The following ZC4H2 variants were observed in gnomAD, a reference collection of about 807,000 sequenced individuals.
ZC4H2 encodes the protein zinc finger C4H2-type containing, also known as zinc finger C4H2 domain-containing protein.
For synonymous variants in ZC4H2, 84 were observed against 66.3 expected, an observed-to-expected ratio of 1.27 and a Z score of -1.30; for missense variants, 137 against 173.9, an observed-to-expected ratio of 0.79 and a Z score of 1.19.
At chrX:64,965,949 C>CAAAAAA (rs148777993) in intron 1 of ZC4H2, among the ~76,000 whole-genome samples, 8 of 37,559 alleles carry the variant, frequency 2.1e-4, no homozygotes, top group Admixed American at 3.9e-4. Context: ...AACAAAGAAG[C>CAAAAAA]AAAAAAAAAA....
At chrX:65,015,855 T>A (rs1421366382) in intron 1 of ZC4H2, among the ~76,000 whole-genome samples, 1 of 110,919 alleles carries the variant, frequency 9.0e-6, no homozygotes, top group African/African-American at 3.3e-5. Context: ...CTTCCTCCTC[T>A]TCCCATCTCT....
At position 64,952,741 on chromosome X, in the gene ZC4H2, G is replaced by C. The variant is rs188330950; in HGVS notation, c.53+23584C>G. On this transcript the variant is annotated intron_variant, in intron 1 of 4. Coordinates refer to ENST00000374839, the MANE Select transcript of ZC4H2 (RefSeq NM_018684.4). ...TCAATATCGTGAAAATGGCCATACT[G>C]CCCAAGGTAATTTATAGATTCAATG... Among the ~76,000 whole-genome samples, 384 of 109,890 alleles carry C rather than the reference G, an allele frequency of 3.5e-3. 6 individuals are homozygous for C. Among genetic ancestry groups the C allele is most frequent in the African/African-American group, 0.012 (356 of 30,171 alleles).
intron 1 of ZC4H2, among the ~76,000 whole-genome samples, chrX:64,928,152 T>G (rs748969732): frequency 8.9e-6 from 1 of 112,395 alleles, no homozygotes; most frequent in African/African-American, 3.2e-5. Context: ...CAATTTTGGC[T>G]TTTGTTGCCA....
chrX:64,996,650 A>G (rs1218224500), intron 1 of ZC4H2, among the ~76,000 whole-genome samples: 1 of 112,065 alleles, frequency 8.9e-6, no homozygotes, highest in Non-Finnish European at 1.9e-5. Context: ...AACTTTAAAA[A>G]GGAACCAAAC....
At chrX:64,925,438 A>C (rs184395439) in intron 1 of ZC4H2, among the ~76,000 whole-genome samples, 1 of 112,411 alleles carries the variant, frequency 8.9e-6, no homozygotes, top group Non-Finnish European at 1.9e-5. Context: ...AGCTAAAGCC[A>C]CATAAAAATG....
At chrX:64,950,450 T>C (rs1930745875) in intron 1 of ZC4H2, among the ~76,000 whole-genome samples, 1 of 111,536 alleles carries the variant, frequency 9.0e-6, no homozygotes, top group South Asian at 3.8e-4. Context: ...CAGTGGGATG[T>C]TAAAGTCTCC....
intron 1 of ZC4H2, chrX:64,922,321 T>C: frequency 5.5e-6 from 1 of 183,411 alleles, no homozygotes; most frequent in Non-Finnish European, 9.4e-6. Flanking sequence ...AAAGAAAGAA[T>C]TAGCCACACA....
In ZC4H2 at chrX:65,029,898, A is replaced by G. The variant is rs755375859; in HGVS notation, c.-272+4731T>C. Reference sequence around the variant, plus strand: ...AATAGCTGAGGGGAACTGGAGAAGGACTGACCAAAAAAAAAAAGGATTGCC... The same window carrying G: ...AATAGCTGAGGGGAACTGGAGAAGGGCTGACCAAAAAAAAAAAGGATTGCC... On this transcript the variant is annotated intron_variant, in intron 1 of 4. Coordinates refer to the ZC4H2 transcript ENST00000337990. Among the ~76,000 whole-genome samples, 3 of 109,594 alleles carry G rather than the reference A, an allele frequency of 2.7e-5. No homozygotes were observed. In the South Asian group the frequency reaches 1.2e-3, roughly 44 times the overall value.
intron 1 of ZC4H2, among the ~76,000 whole-genome samples, chrX:64,999,995 G>A (rs1453475684): frequency 1.8e-5 from 2 of 112,271 alleles, no homozygotes; most frequent in Non-Finnish European, 3.8e-5. Context: ...CCTGGGGGAA[G>A]GGGCGGTTGT....
At chrX:64,984,079 C>T (rs1361091917) in intron 1 of ZC4H2, among the ~76,000 whole-genome samples, 3 of 111,552 alleles carry the variant, frequency 2.7e-5, no homozygotes, top group Non-Finnish European at 5.6e-5. Flanking sequence ...TTTCAACCTG[C>T]ACCTCCCTCC....
intron 1 of ZC4H2, among the ~76,000 whole-genome samples, chrX:64,975,140 A>G (rs1931903526): frequency 9.1e-6 from 1 of 110,374 alleles, no homozygotes; most frequent in South Asian, 3.9e-4. Flanking sequence ...CTGGGCCTCT[A>G]TTTCCCCAGC....
In ZC4H2 at chrX:64,931,883, T is replaced by C. The variant is rs756604097; in HGVS notation, c.54-9895A>G. On this transcript the variant is annotated intron_variant, in intron 1 of 4. Transcript: ENST00000374839. ...TGTTAATTCTGTTTGTTCTAGGGTA[T>C]AGTTTAAGTCCACTGTTTCTTTGTT... Among the ~76,000 whole-genome samples the C allele has an allele frequency of 1.8e-4, 20 of 111,992 alleles. No individual in the cohort carries two copies. The South Asian group carries it at 7.4e-3, about 41-fold the overall frequency.
At chrX:64,919,298 C>A in intron 3 of ZC4H2, 94 bp from the exon 4 acceptor site, 3 of 1,039,679 alleles carry the variant, frequency 2.9e-6, no homozygotes, top group Non-Finnish European at 4.0e-6. Flanking sequence ...AAGGGTTGAG[C>A]TGTGGCTCAT....
At chrX:65,015,124 C>T (rs1356974955) in intron 1 of ZC4H2, among the ~76,000 whole-genome samples, 1 of 111,455 alleles carries the variant, frequency 9.0e-6, no homozygotes, top group Non-Finnish European at 1.9e-5. Flanking sequence ...ATAAAAATTC[C>T]TTTTCATATC....
intron 1 of ZC4H2, among the ~76,000 whole-genome samples, chrX:64,960,897 G>T (rs1931363822): frequency 9.0e-6 from 1 of 111,657 alleles, no homozygotes; most frequent in African/African-American, 3.2e-5. Context: ...AGAATGTTCT[G>T]TGTACAGTTA....
intron 1 of ZC4H2, among the ~76,000 whole-genome samples, chrX:64,931,032 T>C (rs1469560452): frequency 2.7e-5 from 3 of 112,155 alleles, no homozygotes. Flanking sequence ...AGTTTCAATC[T>C]TGCTTTTTGT....
chrX:65,032,374 T>C (rs770366161), intron 1 of ZC4H2, among the ~76,000 whole-genome samples: 14 of 112,159 alleles, frequency 1.2e-4, no homozygotes, highest in African/African-American at 4.5e-4. Flanking sequence ...AGTCTGTCCC[T>C]GTGAGTTACT....
intron 1 of ZC4H2, 187 bp from the exon 2 acceptor site, chrX:64,922,175 C>A: frequency 9.8e-7 from 1 of 1,019,207 alleles, no homozygotes; most frequent in Non-Finnish European, 1.3e-6. Flanking sequence ...ATTTGGAAGA[C>A]AGAGGCAGGA....
At chrX:64,949,114 G>A (rs1207078596) in intron 1 of ZC4H2, among the ~76,000 whole-genome samples, 1 of 111,735 alleles carries the variant, frequency 8.9e-6, no homozygotes, top group Admixed American at 9.6e-5. Flanking sequence ...GATTAAGATT[G>A]AATCAATTTG....
Sources: allele counts gnomAD v4.1 joint callset (sites outside exome capture counted in the v4.1 genomes callset), GRCh38; gene constraint gnomAD v4.1.1; transcripts MANE v1.5; gene names NCBI Gene and HGNC (gene_info 2026-07-23, HGNC 2026-07-21).